Variants in SCP2 observed in about 807,000 individuals in gnomAD.
SCP2 encodes sterol carrier protein 2, also known as SCP-2/3-oxoacyl-CoA thiolase.
SCP2 carries 48 observed loss-of-function variants against 71.4 expected under a neutral mutation model. The observed-to-expected ratio is 0.67, with a 90% CI of 0.53 to 0.86. The LOEUF is 0.86. Ranked by LOEUF, SCP2 falls within the 40% of genes least tolerant of loss-of-function variation. The pLI is 0.00. For missense variants in SCP2, 560 were observed against 655.6 expected (o/e 0.85, Z 1.59); for synonymous variants, 220 against 218.1 (o/e 1.01, Z -0.08).
intron 10 of SCP2, among the ~76,000 whole-genome samples, chr1:52,985,203 A>C (rs144814994): frequency 1.2e-4 from 19 of 152,248 alleles, no homozygotes; most frequent in African/African-American, 4.6e-4. Flanking sequence ...CTCTAGACTC[A>C]AGAATCCAGC....
rs112690823 is a variant in SCP2 at position 52,945,233 on chromosome 1, G to A, written c.128-2776G>A. Among the ~76,000 whole-genome samples the A allele has an allele frequency of 5.2e-3, 797 of 152,096 alleles. 4 individuals carry two copies. Among genetic ancestry groups the A allele is most frequent in the African/African-American group, 0.018 (753 of 41,484 alleles). On this transcript the variant is annotated intron_variant, in intron 2 of 15. Transcript: ENST00000371514. ...GGACAACATCTCACTATGCTGCCCA[G>A]GCTGGAGTGCAGTGGCTATTCACAG...
chr1:52,948,259 C>A (rs1654980687), intron 3 of SCP2, among the ~76,000 whole-genome samples, 179 bp downstream of exon 3: 1 of 152,116 alleles, frequency 6.6e-6, no homozygotes, highest in Non-Finnish European at 1.5e-5. Context: ...AAGGGAATTA[C>A]CACTATTTAA....
intron 1 of SCP2, among the ~76,000 whole-genome samples, chr1:52,936,000 T>G (rs1653711433): frequency 6.6e-6 from 1 of 152,172 alleles, no homozygotes; most frequent in African/African-American, 2.4e-5. Flanking sequence ...ATGTCTGTGT[T>G]AGGTCACATG....
intron 9 of SCP2, among the ~76,000 whole-genome samples, chr1:52,980,050 T>C (rs1658344790): frequency 6.6e-6 from 1 of 152,044 alleles, no homozygotes; most frequent in African/African-American, 2.4e-5. Context: ...CCTGGTTCCC[T>C]GCAGCCTTGA....
intron 5 of SCP2, among the ~76,000 whole-genome samples, chr1:52,956,787 T>C (rs1393465975): frequency 6.6e-6 from 1 of 152,146 alleles, no homozygotes; most frequent in African/African-American, 2.4e-5. Context: ...CAGTGAATGG[T>C]ACATATGCTG....
At position 53,014,963 on chromosome 1, in the gene SCP2, G is replaced by T. The variant is rs1340562226; in HGVS notation, c.1155G>T (p.Lys385Asn). Reference protein sequence around the residue: ...EAGKRQVPGAKVALQHNLGIG... With the variant: ...EAGKRQVPGANVALQHNLGIG... Reference sequence around the variant, plus strand: ...GAAAGAGGCAAGTTCCTGGTGCAAAGGTGGCTCTGCAGCATAATTTAGGCA... The same window carrying T: ...GAAAGAGGCAAGTTCCTGGTGCAAATGTGGCTCTGCAGCATAATTTAGGCA... The change falls in exon 12 of 16, where the codon AAG becomes AAT. Residue 385 changes from lysine (K) to asparagine (N), a missense_variant. Physicochemically the swap from Lys to Asn is moderately conservative, Grantham distance 94. Around this residue, in one of 3 missense-constraint regions of SCP2, gnomAD observed 513 missense variants for 573.1 expected, o/e 0.90. Transcript: ENST00000371514. 1 of 1,614,106 alleles carries T rather than the reference G, an allele frequency of 6.2e-7. No homozygotes were observed. The highest frequency in any genetic ancestry group is 1.7e-5 in the Admixed American group (1 of 60,026).
intron 2 of SCP2, among the ~76,000 whole-genome samples, chr1:52,947,095 T>C (rs1654873169): frequency 7.2e-6 from 1 of 138,614 alleles, no homozygotes; most frequent in Admixed American, 7.3e-5. Context: ...AATACAGGAA[T>C]AGAGGGCCGA....
chr1:52,999,814 TG>T lies in SCP2; in HGVS notation c.1081+11679del, dbSNP rs573494842. 1.5e-3 allele frequency among the ~76,000 whole-genome samples: 218 copies of T among 140,746 alleles called. 4 individuals carry two copies. The highest frequency in any genetic ancestry group is 5.8e-3 in the African/African-American group (195 of 33,412). The allele number at this position is 140,746 out of a possible 152,430, so 92.3% of individuals were successfully genotyped here. A position where few individuals can be genotyped will look rare whatever the true frequency, so the allele number is the denominator to read the frequency against. The stretch of plus-strand genomic sequence containing the variant: ...TACTATCCAACACTTACTGAACACT[TG>T]TTTTTTTTTTTTTTTTTTTGAGACA... On this transcript the variant is annotated intron_variant, in intron 11 of 15. Coordinates refer to ENST00000371514, the MANE Select transcript of SCP2 (RefSeq NM_002979.5).
At chr1:52,933,812 A>T (rs1407391966) in intron 1 of SCP2, among the ~76,000 whole-genome samples, 1 of 152,228 alleles carries the variant, frequency 6.6e-6, no homozygotes, top group Non-Finnish European at 1.5e-5. Flanking sequence ...AAGACTATTC[A>T]TAATAATACT....
Position 53,048,096 on chromosome 1 carries a change from C to G in SCP2, c.1548+159C>G, listed in dbSNP as rs4599997. The G allele has an allele frequency of 0.099, 65,788 of 663,078 alleles. 8,427 individuals carry two copies. Among genetic ancestry groups the G allele is most frequent in the African/African-American group, 0.49 (27,493 of 55,994 alleles). 41.1% of individuals were successfully genotyped at this position (663,078 alleles called of 1,614,324 possible). A position where few individuals can be genotyped will look rare whatever the true frequency, so the allele number is the denominator to read the frequency against. On this transcript the variant is annotated intron_variant, in intron 15 of 15. Coordinates refer to ENST00000371514, the MANE Select transcript of SCP2 (RefSeq NM_002979.5). ...CGTCTGTGGAGCAAGCTGTGTGCCA[C>G]ACACTGTCTTGTGTGCTGGAAGTGC...
chr1:52,929,396 C>T (rs1308743431), intron 1 of SCP2, among the ~76,000 whole-genome samples: 1 of 151,930 alleles, frequency 6.6e-6, no homozygotes, highest in Non-Finnish European at 1.5e-5. Flanking sequence ...CTACTTACTA[C>T]TAGATGGGTC....
At chr1:53,004,044 A>G (rs6662480) in intron 11 of SCP2, among the ~76,000 whole-genome samples, 6,742 of 152,174 alleles carry the variant, frequency 0.044, 463 homozygotes, top group African/African-American at 0.15. Flanking sequence ...AGCAGTACCC[A>G]TCACAGTACC....
intron 13 of SCP2, among the ~76,000 whole-genome samples, chr1:53,031,011 G>A (rs1662509197): frequency 6.6e-6 from 1 of 150,728 alleles, no homozygotes; most frequent in Non-Finnish European, 1.5e-5. Flanking sequence ...AAATGAAGTT[G>A]CACTCTATAA....
intron 2 of SCP2, among the ~76,000 whole-genome samples, chr1:52,945,870 G>T (rs1479901868): frequency 6.6e-6 from 1 of 151,724 alleles, no homozygotes; most frequent in Non-Finnish European, 1.5e-5. Flanking sequence ...TTATTTTTGA[G>T]GAAAGAGCCT....
intron 1 of SCP2, among the ~76,000 whole-genome samples, chr1:52,936,045 T>C (rs752408272): frequency 6.6e-6 from 1 of 152,232 alleles, no homozygotes; most frequent in Non-Finnish European, 1.5e-5. Context: ...AACAACATAA[T>C]GCTAAAGTTT....
intron 13 of SCP2, among the ~76,000 whole-genome samples, chr1:53,035,093 G>A (rs772375532): frequency 4.0e-5 from 6 of 150,328 alleles, no homozygotes; most frequent in African/African-American, 7.4e-5. Context: ...GTGACAGAGT[G>A]AGACTCTGTC....
intron 14 of SCP2, among the ~76,000 whole-genome samples, chr1:53,044,336 G>T (rs1429378389): frequency 1.3e-5 from 2 of 152,200 alleles, no homozygotes. Context: ...GGGATTACAG[G>T]TGTGAGCCAG....
At chr1:52,968,635 C>T (rs1490574673) in intron 6 of SCP2, among the ~76,000 whole-genome samples, 1 of 152,066 alleles carries the variant, frequency 6.6e-6, no homozygotes, top group African/African-American at 2.4e-5. Context: ...AACCCTGTAC[C>T]CATTAGCAGT....
intron 2 of SCP2, among the ~76,000 whole-genome samples, chr1:52,942,990 C>G (rs1053253361): frequency 6.6e-6 from 1 of 152,136 alleles, no homozygotes; most frequent in Admixed American, 6.5e-5. Context: ...GTGTGAGCCA[C>G]TGCGCCCAGC....
Sources: gnomAD v4.1 joint callset for allele counts (sites outside exome capture counted in the v4.1 genomes callset) on GRCh38, gnomAD v4.1.1 for gene constraint, gnomAD v4.1.1 regional missense constraint, MANE v1.5 for transcripts, NCBI Gene and HGNC (gene_info 2026-07-23, HGNC 2026-07-21) for gene names.